The following RIMS2 variants were observed in gnomAD, a reference collection of about 807,000 sequenced individuals.
RIMS2 encodes regulating synaptic membrane exocytosis 2, also known as regulating synaptic membrane exocytosis protein 2.
RIMS2 carries 59 observed loss-of-function variants against 174.4 expected under a neutral mutation model. The observed-to-expected ratio is 0.34, with a 90% CI of 0.27 to 0.42. The LOEUF is 0.42. Ranked by LOEUF, RIMS2 falls within the 10% of genes least tolerant of loss-of-function variation. The pLI is 1.00. For synonymous variants in RIMS2, 606 were observed against 572.5 expected (o/e 1.06, Z -0.84); for missense variants, 1,620 against 1,666.3 (o/e 0.97, Z 0.48).
chr8:104,081,891 GAACAAAA>G (rs908403458), intron 19 of RIMS2, among the ~76,000 whole-genome samples: 19 of 151,788 alleles, frequency 1.3e-4, no homozygotes, highest in African/African-American at 3.9e-4. Context: ...CTGTTCTCTT[GAACAAAA>G]AACAAAAAAC....
In RIMS2 at chr8:103,519,733, CTT is replaced by C. The variant is rs56922734; in HGVS notation, c.176+18690_176+18691del. 6.8e-3 allele frequency among the ~76,000 whole-genome samples: 897 copies of C among 131,348 alleles called. 4 individuals are homozygous for C. Among genetic ancestry groups the C allele is most frequent in the Middle Eastern group, 0.013 (3 of 238 alleles). 86.2% of individuals were successfully genotyped at this position (131,348 alleles called of 152,430 possible). A position where few individuals can be genotyped will look rare whatever the true frequency, so the allele number is the denominator to read the frequency against. On this transcript the variant is annotated intron_variant, in intron 1 of 23. Transcript: ENST00000504942. Reference sequence around the variant, plus strand: ...AGTACATGTTTTCGTGGCTTTACTACTTTTTTTTTTTTTTTTTTTTAACCTCT... The same window carrying C: ...AGTACATGTTTTCGTGGCTTTACTACTTTTTTTTTTTTTTTTTTAACCTCT...
intron 1 of RIMS2, among the ~76,000 whole-genome samples, chr8:103,528,231 T>C (rs1317858066): frequency 6.6e-6 from 1 of 152,080 alleles, no homozygotes; most frequent in Non-Finnish European, 1.5e-5. Context: ...CACTTTTCAA[T>C]GGGGTTGTTT....
intron 2 of RIMS2, among the ~76,000 whole-genome samples, chr8:103,740,788 A>G (rs1296962374): frequency 1.3e-5 from 2 of 152,166 alleles, no homozygotes; most frequent in Admixed American, 6.6e-5. Flanking sequence ...GAATATAAAT[A>G]GCATAGCAGT....
chr8:103,914,554 G>A (rs2076314617), intron 6 of RIMS2, among the ~76,000 whole-genome samples: 1 of 152,104 alleles, frequency 6.6e-6, no homozygotes, highest in Non-Finnish European at 1.5e-5. Context: ...AAGGATATAA[G>A]TCAATAAGAG....
rs16871013 is a variant in RIMS2, at chr8:104,147,007, A to G, written c.3335-97909A>G. Among the ~76,000 whole-genome samples, 192 of 152,292 alleles carry G rather than the reference A, an allele frequency of 1.3e-3. 1 individual carries two copies. In the East Asian group the frequency reaches 0.022, roughly 18 times the overall value. ...ACTGTGCACACCCAAAAATTGCTAT[A>G]TAACAGAAACACTAGGTTATTCTGA... is the stretch of plus-strand genomic sequence containing the variant. On this transcript the variant is annotated intron_variant, in intron 19 of 23. Transcript: ENST00000504942.
chr8:104,226,812 C>A (rs1022088475), intron 19 of RIMS2, among the ~76,000 whole-genome samples: 1 of 152,130 alleles, frequency 6.6e-6, no homozygotes, highest in Non-Finnish European at 1.5e-5. Context: ...TTTCCTGGAG[C>A]CCACAATTAA....
chr8:104,092,596 T>C (rs1354679858), intron 19 of RIMS2, among the ~76,000 whole-genome samples: 4 of 151,716 alleles, frequency 2.6e-5, no homozygotes, highest in Non-Finnish European at 5.9e-5. Context: ...AAAGATATTA[T>C]TATCCATTTT....
At chr8:103,956,687 A>C (rs760770711) in intron 14 of RIMS2, among the ~76,000 whole-genome samples, 5 of 152,242 alleles carry the variant, frequency 3.3e-5, no homozygotes, top group Non-Finnish European at 5.9e-5. Flanking sequence ...GGACATTGGC[A>C]TGGGCAAAGA....
At chr8:104,202,831 T>C (rs996783767) in intron 19 of RIMS2, among the ~76,000 whole-genome samples, 1 of 152,236 alleles carries the variant, frequency 6.6e-6, no homozygotes, top group African/African-American at 2.4e-5. Flanking sequence ...AGGAACACTG[T>C]TTAATCCCAT....
chr8:104,009,290 G>GT (rs912583931), intron 17 of RIMS2, among the ~76,000 whole-genome samples: 116 of 144,398 alleles, frequency 8.0e-4, no homozygotes, highest in East Asian at 1.0e-3. Flanking sequence ...GTTTCTGCTG[G>GT]TTTTTTTTTT....
intron 1 of RIMS2, among the ~76,000 whole-genome samples, chr8:103,560,841 T>G (rs2091467049): frequency 6.6e-6 from 1 of 152,220 alleles, no homozygotes; most frequent in Non-Finnish European, 1.5e-5. Context: ...TTAATAAATA[T>G]AGGTGTTCTT....
At chr8:103,630,490 G>T (rs2095885438) in intron 1 of RIMS2, among the ~76,000 whole-genome samples, 1 of 145,228 alleles carries the variant, frequency 6.9e-6, no homozygotes. Flanking sequence ...AATAATAGGA[G>T]AATCACTAGA....
rs376332979 is a variant in RIMS2 at position 103,558,631 on chromosome 8, GT to G, written c.176+57579del. On this transcript the variant is annotated intron_variant, in intron 1 of 23. Transcript: ENST00000504942. Reference sequence around the variant, plus strand: ...TTACTGGAATTCTTGGGATAAGATAGTTTTTTTTTTGTCGTTGGTTTTGCTT... The same window carrying G: ...TTACTGGAATTCTTGGGATAAGATAGTTTTTTTTTGTCGTTGGTTTTGCTT... 5.4e-5 allele frequency among the ~76,000 whole-genome samples: 8 copies of G among 149,286 alleles called. No homozygotes were observed. The South Asian group carries it at 6.4e-4, about 12-fold the overall frequency.
chr8:104,179,815 A>T (rs138220336), intron 19 of RIMS2, among the ~76,000 whole-genome samples: 16 of 151,898 alleles, frequency 1.1e-4, no homozygotes, highest in African/African-American at 3.1e-4. Context: ...TCAAAATAAT[A>T]CAAATACCTA....
chr8:104,183,518 A>C (rs1035079461), intron 19 of RIMS2, among the ~76,000 whole-genome samples: 1 of 151,606 alleles, frequency 6.6e-6, no homozygotes, highest in Non-Finnish European at 1.5e-5. Flanking sequence ...TTTGAATACT[A>C]AAATACCAGT....
intron 2 of RIMS2, among the ~76,000 whole-genome samples, chr8:103,701,150 G>A (rs1237471070): frequency 6.6e-6 from 1 of 151,778 alleles, no homozygotes; most frequent in African/African-American, 2.4e-5. Flanking sequence ...TTTCTTGAAG[G>A]GCAAGTCTGC....
intron 3 of RIMS2, among the ~76,000 whole-genome samples, chr8:103,798,557 T>C (rs1564679381): frequency 6.6e-6 from 1 of 152,140 alleles, no homozygotes; most frequent in Non-Finnish European, 1.5e-5. Flanking sequence ...GGCACTTCGG[T>C]GATTTGTGTT....
intron 1 of RIMS2, among the ~76,000 whole-genome samples, chr8:103,648,647 G>A (rs2096390674): frequency 1.3e-5 from 2 of 152,148 alleles, no homozygotes; most frequent in South Asian, 2.1e-4. Context: ...ATATATTTAG[G>A]AGAATTAGCT....
chr8:103,767,817 G>A (rs928973374), intron 3 of RIMS2, among the ~76,000 whole-genome samples: 1 of 152,168 alleles, frequency 6.6e-6, no homozygotes, highest in African/African-American at 2.4e-5. Context: ...CTATCTTTGG[G>A]GAAAACAATC....
Sources: allele counts gnomAD v4.1 joint callset (sites outside exome capture counted in the v4.1 genomes callset), GRCh38; gene constraint gnomAD v4.1.1; transcripts MANE v1.5; gene names NCBI Gene and HGNC (gene_info 2026-07-23, HGNC 2026-07-21).